ATAD3C: variants seen among roughly 807,000 people sequenced by gnomAD.
ATAD3C encodes ATPase family AAA domain containing 3C.
In ATAD3C, 38 loss-of-function variants were observed where a neutral mutation model predicts 46.3. The observed-to-expected ratio is 0.82, with a 90% confidence interval of 0.63 to 1.08. ATAD3C has a LOEUF of 1.08. Ranked by LOEUF, ATAD3C falls within the 50% of genes least tolerant of loss-of-function variation. The pLI, the probability that ATAD3C is intolerant of heterozygous loss-of-function variation, is 0.00. For synonymous variants in ATAD3C, 220 were observed against 236.4 expected (o/e 0.93, Z 0.63); for missense variants, 563 against 572.7 (o/e 0.98, Z 0.17).
In ATAD3C at chr1:1,468,684, G is replaced by GCCCCCTAACGT. The variant is rs1553200095; in HGVS notation, c.*161_*171dup. On this transcript the variant is annotated 3_prime_UTR_variant, in exon 12 of 12. Coordinates refer to ENST00000378785, the MANE Select transcript of ATAD3C (RefSeq NM_001039211.3). ...TGGCTGACACGGGGCGGGGTTTGGG[G>GCCCCCTAACGT]CCCCCTAACGTCCCCCTGGGGTCAA... 7.2e-7 allele frequency: 1 copy of GCCCCCTAACGT among 1,386,068 alleles called. No individual in the cohort carries two copies. The highest frequency in any genetic ancestry group is 1.5e-5 in the African/African-American group (1 of 68,532). 85.9% of individuals were successfully genotyped at this position (1,386,068 alleles called of 1,614,324 possible). A position where few individuals can be genotyped will look rare whatever the true frequency, so the allele number is the denominator to read the frequency against.
At chr1:1,457,047 C>T (rs892773784) in intron 7 of ATAD3C, 82 bp from the exon 8 acceptor site, 60 of 1,590,004 alleles carry the variant, frequency 3.8e-5, no homozygotes, top group Non-Finnish European at 4.8e-5. Context: ...GCCTGCTTGG[C>T]CTGCTCCTGC....
At position 1,450,523 on chromosome 1, in the gene ATAD3C, G is replaced by A. The variant is rs1336317865; in HGVS notation, c.-161G>A. 1.7e-5 allele frequency: 15 copies of A among 898,560 alleles called. No homozygotes were observed. The highest frequency in any genetic ancestry group is 2.8e-4 in the Middle Eastern group (1 of 3,580). The allele number at this position is 898,560 out of a possible 1,614,324, so 55.7% of individuals were successfully genotyped here. ...TGTGCTGGGGATGGGGCATCGTCACGCCAGGTCTGACTAGGAAGGAGGATG... is the reference window on the plus strand; with the variant it reads ...TGTGCTGGGGATGGGGCATCGTCACACCAGGTCTGACTAGGAAGGAGGATG... On this transcript the variant is annotated 5_prime_UTR_variant, in exon 1 of 12. Coordinates refer to ENST00000378785, the MANE Select transcript of ATAD3C (RefSeq NM_001039211.3).
chr1:1,451,326 G>T (rs763972360), intron 1 of ATAD3C, among the ~76,000 whole-genome samples: 2 of 151,014 alleles, frequency 1.3e-5, no homozygotes, highest in Non-Finnish European at 3.0e-5. Flanking sequence ...GTGAGCCACC[G>T]CGTCCAGCTC....
Position 1,459,374 on chromosome 1 carries a change from T to G in ATAD3C, c.812+143T>G. ...CAACGTGCCCACCTTGGATGTCCCC[T>G]GGGAACGGCCCAGCTCAGGACAGCA... On this transcript the variant is annotated intron_variant, in intron 9 of 11. Transcript: ENST00000378785. The surrounding 1 kb of genome is among the most constrained non-coding windows in gnomAD (Gnocchi z 4.9). 6.6e-7 allele frequency: 1 copy of G among 1,517,904 alleles called. No homozygotes were observed. Among genetic ancestry groups the G allele is most frequent in the South Asian group, 1.3e-5 (1 of 78,894 alleles). The allele number at this position is 1,517,904 out of a possible 1,614,324, so 94.0% of individuals were successfully genotyped here. A position where few individuals can be genotyped will look rare whatever the true frequency, so the allele number is the denominator to read the frequency against.
chr1:1,455,133 C>T (rs1469906930), intron 4 of ATAD3C, among the ~76,000 whole-genome samples: 1 of 137,690 alleles, frequency 7.3e-6, no homozygotes, highest in Non-Finnish European at 1.5e-5. Context: ...AGAAGAATGG[C>T]TTGAACCTGG....
At position 1,450,639 on chromosome 1, in the gene ATAD3C, C is replaced by A. The variant is rs538138305; in HGVS notation, c.-45C>A. 3 of 1,588,406 alleles carry A rather than the reference C, an allele frequency of 1.9e-6. No individual in the cohort carries two copies. Among genetic ancestry groups the A allele is most frequent in the Admixed American group, 1.8e-5 (1 of 55,762 alleles). ...GTGTGCGTGCCTGCCCAGCGGCATC[C>A]GTGTATCCTAACACCTGCCCTCCGT... On this transcript the variant is annotated 5_prime_UTR_variant, in exon 1 of 12. Coordinates refer to ENST00000378785, the MANE Select transcript of ATAD3C (RefSeq NM_001039211.3).
rs111487629 is a variant in ATAD3C at position 1,459,978 on chromosome 1, C to T, written c.812+747C>T. On this transcript the variant is annotated intron_variant, in intron 9 of 11. Coordinates refer to ENST00000378785, the MANE Select transcript of ATAD3C (RefSeq NM_001039211.3). The surrounding 1 kb of genome is among the most constrained non-coding windows in gnomAD (Gnocchi z 4.9). ...GTAGACGCTCCCTGGAGCCCTGACT[C>T]GGGTCCTTCCCAGAGAGGCAAGGCT... 1.3e-5 allele frequency among the ~76,000 whole-genome samples: 2 copies of T among 152,092 alleles called. No individual in the cohort carries two copies. The highest frequency in any genetic ancestry group is 1.9e-4 in the East Asian group (1 of 5,182).
intron 11 of ATAD3C, among the ~76,000 whole-genome samples, chr1:1,465,762 T>C (rs1353614521): frequency 6.6e-6 from 1 of 151,892 alleles, no homozygotes; most frequent in African/African-American, 2.4e-5. Context: ...GAACAGGTGA[T>C]TTTACCTCTC....
In ATAD3C at chr1:1,459,298, C is replaced by T. The variant is rs925058287; in HGVS notation, c.812+67C>T. On this transcript the variant is annotated intron_variant, in intron 9 of 11. Coordinates refer to ENST00000378785, the MANE Select transcript of ATAD3C (RefSeq NM_001039211.3). This position sits in a 1 kb window ranked among gnomAD's most constrained non-coding sequence, Gnocchi z 4.9. ...TGCAGCCGTCACCCTTGGTTCCCAC[C>T]GAGGGACCTGAGGGGCCCTGGCTCA... 1.1e-5 allele frequency: 18 copies of T among 1,609,632 alleles called. No individual in the cohort carries two copies. The highest frequency in any genetic ancestry group is 2.0e-4 in the Middle Eastern group (1 of 5,090).
intron 3 of ATAD3C, among the ~76,000 whole-genome samples, chr1:1,453,965 T>C (rs1247555463): frequency 6.6e-6 from 1 of 151,668 alleles, no homozygotes; most frequent in Non-Finnish European, 1.5e-5. Flanking sequence ...TTAAAACGAG[T>C]TAGAGATTTT....
rs70949592 is a variant in ATAD3C at position 1,469,099 on chromosome 1, T to TAAAAAAAAAAAAAA, written c.*593_*606dup. 4 of 18,874 alleles carry TAAAAAAAAAAAAAA rather than the reference T, an allele frequency of 2.1e-4. No individual in the cohort carries two copies. The highest frequency in any genetic ancestry group is 6.7e-4 in the Admixed American group (1 of 1,498). 1.2% of individuals were successfully genotyped at this position (18,874 alleles called of 1,614,324 possible). A position where few individuals can be genotyped will look rare whatever the true frequency, so the allele number is the denominator to read the frequency against. Reference sequence around the variant, plus strand: ...CAACATGGTGAAACTCCATCTCTCCTAAAAAAAAAAAAAAAAAAAAAAAAA... The same window carrying TAAAAAAAAAAAAAA: ...CAACATGGTGAAACTCCATCTCTCCTAAAAAAAAAAAAAAAAAAAAAAAAAAAAAAAAAAAAAAA... On this transcript the variant is annotated 3_prime_UTR_variant, in exon 12 of 12. Transcript: ENST00000378785.
chr1:1,452,557 C>T (rs900939674), intron 3 of ATAD3C, 123 bp downstream of exon 3: 10 of 1,495,878 alleles, frequency 6.7e-6, no homozygotes, highest in Non-Finnish European at 2.8e-6. Flanking sequence ...CAGCATGGAA[C>T]AAGCCCAAAC....
rs1184040976 is a variant in ATAD3C at position 1,455,950 on chromosome 1, G to C, written c.564+34G>C. On this transcript the variant is annotated intron_variant, in intron 6 of 11. Coordinates refer to ENST00000378785, the MANE Select transcript of ATAD3C (RefSeq NM_001039211.3). ...GCCTAGCTGAACAGGTGGGCCAGGGGCCGCTGGGGTCTCACCTGCCTGCAG... is the reference window on the plus strand; with the variant it reads ...GCCTAGCTGAACAGGTGGGCCAGGGCCCGCTGGGGTCTCACCTGCCTGCAG... The C allele has an allele frequency of 8.7e-6, 14 of 1,611,554 alleles. No individual in the cohort carries two copies. The East Asian group carries it at 3.1e-4, about 36-fold the overall frequency.
intron 11 of ATAD3C, among the ~76,000 whole-genome samples, chr1:1,468,178 A>C (rs1311929589): frequency 6.6e-6 from 1 of 152,066 alleles, no homozygotes; most frequent in Non-Finnish European, 1.5e-5. Flanking sequence ...GGTGCTGAGG[A>C]CGCAGGCAGG....
chr1:1,463,544 C>T (rs1041975788), intron 11 of ATAD3C, among the ~76,000 whole-genome samples: 5 of 151,930 alleles, frequency 3.3e-5, no homozygotes, highest in Admixed American at 2.0e-4. Flanking sequence ...TCTCAAACCC[C>T]GTCCTTCTGG....
rs72896283 is a variant in ATAD3C, at chr1:1,460,858, G to T, written c.921G>T (p.Ala307=). The T allele has an allele frequency of 0.05, 80,232 of 1,612,692 alleles. 12,054 individuals are homozygous for T. Among genetic ancestry groups the T allele is most frequent in the East Asian group, 0.46 (20,800 of 44,772 alleles). ...HFDLPGQEER[A]RLVRMYLNEY... Reference sequence around the variant, plus strand: ...ACCTGCCAGGGCAGGAGGAGCGGGCGCGCCTGGTGAGAATGTATCTTAACG... The same window carrying T: ...ACCTGCCAGGGCAGGAGGAGCGGGCTCGCCTGGTGAGAATGTATCTTAACG... The change falls in exon 10 of 12, where the codon GCG becomes GCT. Residue 307 remains alanine, a synonymous_variant. Transcript: ENST00000378785.
chr1:1,450,333 A>AC lies in ATAD3C; in HGVS notation c.-351_-350insC, dbSNP rs1380075371. ...ATGAGACTCCGTCTCAAAAAAAAAA[A>AC]AAAAAAAAGCATGTGTAACGTGAAA... On this transcript the variant is annotated 5_prime_UTR_variant, in exon 1 of 12. The change abolishes the stop of an existing upstream ORF in the 5' untranslated region. Coordinates refer to ENST00000378785, the MANE Select transcript of ATAD3C (RefSeq NM_001039211.3). The AC allele has an allele frequency of 1.3e-5, 3 of 233,778 alleles. No homozygotes were observed. The highest frequency in any genetic ancestry group is 2.2e-5 in the African/African-American group (1 of 44,476). The allele number at this position is 233,778 out of a possible 1,614,324, so 14.5% of individuals were successfully genotyped here. A position where few individuals can be genotyped will look rare whatever the true frequency, so the allele number is the denominator to read the frequency against.
Position 1,455,521 on chromosome 1 carries a change from T to C in ATAD3C, c.438+2T>C. On this transcript the variant is annotated splice_donor_variant, in intron 5 of 11. Coordinates refer to ENST00000378785, the MANE Select transcript of ATAD3C (RefSeq NM_001039211.3). LOFTEE classifies it high-confidence loss of function. The stretch of plus-strand genomic sequence containing the variant: ...GTGCTGGAGGGTGTTGTGCTTAGTG[T>C]AAGTCGGTGTGCCTGGGACCGGGGA... The C allele has an allele frequency of 6.2e-7, 1 of 1,612,414 alleles. No individual in the cohort carries two copies. The highest frequency in any genetic ancestry group is 1.1e-5 in the South Asian group (1 of 90,940).
At position 1,469,726 on chromosome 1, in the gene ATAD3C, G is replaced by A. The variant is rs1639210774; in HGVS notation, c.*1196G>A. 6.7e-6 allele frequency: 1 copy of A among 149,412 alleles called. No homozygotes were observed. Among genetic ancestry groups the A allele is most frequent in the Non-Finnish European group, 1.5e-5 (1 of 67,472 alleles). The allele number at this position is 149,412 out of a possible 1,614,324, so 9.3% of individuals were successfully genotyped here. On this transcript the variant is annotated 3_prime_UTR_variant, in exon 12 of 12. Coordinates refer to ENST00000378785, the MANE Select transcript of ATAD3C (RefSeq NM_001039211.3). ...GAGTCTTGCTCGCCCAGGGTGGAGTGCAGTGGTGTGATCTCGGCTCACTGC... is the reference window on the plus strand; with the variant it reads ...GAGTCTTGCTCGCCCAGGGTGGAGTACAGTGGTGTGATCTCGGCTCACTGC...
Sources: allele counts gnomAD v4.1 joint callset (sites outside exome capture counted in the v4.1 genomes callset), GRCh38; gene constraint gnomAD v4.1.1; non-coding constraint Gnocchi (gnomAD v3.1); transcripts MANE v1.5; gene names NCBI Gene and HGNC (gene_info 2026-07-23, HGNC 2026-07-21).